The following ODR4 variants were observed in gnomAD, a reference collection of about 807,000 sequenced individuals.
ODR4 encodes odr-4 GPCR localization factor homolog.
Under a neutral mutation model 60.2 loss-of-function variants are expected in ODR4, and 47 were observed. The observed-to-expected ratio is 0.78, with a 90% CI of 0.62 to 1.00. The LOEUF (loss-of-function observed/expected upper bound fraction) is 1.00, where lower values mean the gene tolerates loss of function less well. Ranked by LOEUF, ODR4 falls within the 50% of genes least tolerant of loss-of-function variation. The pLI is 0.00. For synonymous variants in ODR4, 178 were observed against 175.5 expected, an observed-to-expected ratio of 1.01 and a Z score of -0.11; for missense variants, 488 against 530.8, an observed-to-expected ratio of 0.92 and a Z score of 0.79.
the ODR4 span, among the ~76,000 whole-genome samples, chr1:186,429,718 A>G: frequency 4.0e-5 from 6 of 151,236 alleles, no homozygotes; most frequent in East Asian, 3.9e-4. Context: ...AAGCCCTATT[A>G]TAATATAATG....
At chr1:186,400,009 T>TG (rs1660866880) in intron 11 of ODR4, among the ~76,000 whole-genome samples, 2 of 145,974 alleles carry the variant, frequency 1.4e-5, no homozygotes, top group Non-Finnish European at 3.0e-5. Context: ...TTTTTTTTTT[T>TG]GAGACGGAGT....
At chr1:186,396,890 A>T (rs1017580156) in intron 9 of ODR4, among the ~76,000 whole-genome samples, 1 of 152,152 alleles carries the variant, frequency 6.6e-6, no homozygotes, top group East Asian at 1.9e-4. Flanking sequence ...TGTCTACAAT[A>T]AAAAGTTATG....
chr1:186,384,014 G>A (rs971404459), intron 3 of ODR4, among the ~76,000 whole-genome samples: 1 of 152,210 alleles, frequency 6.6e-6, no homozygotes, highest in African/African-American at 2.4e-5. Flanking sequence ...ACTCCAGACT[G>A]GGCGACAAAG....
intron 11 of ODR4, among the ~76,000 whole-genome samples, chr1:186,403,179 G>T (rs1438624753): frequency 2.0e-5 from 3 of 151,862 alleles, no homozygotes; most frequent in Non-Finnish European, 4.4e-5. Context: ...TTGATCTTAG[G>T]TATCAAGATA....
At chr1:186,410,219 T>C (rs1450394897) in intron 12 of ODR4, among the ~76,000 whole-genome samples, 1 of 152,154 alleles carries the variant, frequency 6.6e-6, no homozygotes, top group African/African-American at 2.4e-5. Context: ...ACAGACAAGG[T>C]TTTTAAGATT....
chr1:186,392,248 C>G (rs1417837187), intron 8 of ODR4, among the ~76,000 whole-genome samples: 2 of 152,174 alleles, frequency 1.3e-5, no homozygotes, highest in Non-Finnish European at 2.9e-5. Context: ...GACCTAAAAA[C>G]AGAGATACCA....
chr1:186,394,058 C>G, intron 9 of ODR4, 43 bp downstream of exon 9: 4 of 1,063,808 alleles, frequency 3.8e-6, no homozygotes, highest in Non-Finnish European at 5.5e-6. Flanking sequence ...ATTAGCATAA[C>G]CATAATGAAA....
chr1:186,429,131 G>T, the ODR4 span, among the ~76,000 whole-genome samples: 1 of 152,066 alleles, frequency 6.6e-6, no homozygotes, highest in South Asian at 2.1e-4. Context: ...CATGCCTGTA[G>T]TCCCAGCTAC....
intron 12 of ODR4, among the ~76,000 whole-genome samples, chr1:186,409,192 C>CAAA (rs58735021): frequency 9.0e-6 from 1 of 111,102 alleles, no homozygotes; most frequent in Admixed American, 8.8e-5. Context: ...GACCCTGTCT[C>CAAA]AAAAAAAAAA....
chr1:186,410,624 A>G (rs1661343599), intron 12 of ODR4, among the ~76,000 whole-genome samples: 1 of 152,228 alleles, frequency 6.6e-6, no homozygotes, highest in African/African-American at 2.4e-5. Context: ...TAGGGTCTCC[A>G]GTGATTTGGT....
At chr1:186,411,870 A>G in intron 12 of ODR4, 1 of 974,418 alleles carries the variant, frequency 1.0e-6, no homozygotes, top group Non-Finnish European at 1.2e-6. Flanking sequence ...CAAAGGAAGC[A>G]AAACAGCAAT....
chr1:186,425,753 T>G (rs935993646), downstream of ODR4, among the ~76,000 whole-genome samples: 10 of 152,222 alleles, frequency 6.6e-5, no homozygotes, highest in African/African-American at 2.2e-4. Flanking sequence ...ATATTACAGA[T>G]GCACCGTTGA....
intron 4 of ODR4, among the ~76,000 whole-genome samples, chr1:186,386,475 T>G (rs1178307666): frequency 6.6e-6 from 1 of 152,102 alleles, no homozygotes; most frequent in Non-Finnish European, 1.5e-5. Flanking sequence ...ATGTAAATTA[T>G]GCAAACAAAT....
rs1000613844 is a variant in ODR4, at chr1:186,417,566, T to G, written c.1209T>G (p.Asn403Lys). Residue 403 changes from asparagine to lysine, a missense_variant, in exon 13 of 14, where the codon AAT becomes AAG. Asn to Lys is a moderately conservative substitution (Grantham distance 94, BLOSUM62 0). Coordinates refer to ENST00000287859, the MANE Select transcript of ODR4 (RefSeq NM_017847.6). ...TNTACMSSSMNSQASLDNTDD... is the reference protein window; with the variant it reads ...TNTACMSSSMKSQASLDNTDD... ...CAGCTTGTATGAGTTCTTCTATGAA[T>G]AGTCAAGCTTCATTGGACAACACAG... 1.1e-5 allele frequency: 17 copies of G among 1,591,806 alleles called. No individual in the cohort carries two copies. Among genetic ancestry groups the G allele is most frequent in the Admixed American group, 1.0e-4 (6 of 57,832 alleles).
At chr1:186,398,472 C>T (rs567018394) in intron 10 of ODR4, 31 bp downstream of exon 10, 5 of 1,556,788 alleles carry the variant, frequency 3.2e-6, no homozygotes, top group Non-Finnish European at 3.5e-6. Flanking sequence ...CATATGGAAC[C>T]ATGTTAACTA....
At chr1:186,429,814 G>C in the ODR4 span, among the ~76,000 whole-genome samples, 4 of 152,070 alleles carry the variant, frequency 2.6e-5, no homozygotes, top group Non-Finnish European at 4.4e-5. Context: ...AGTTGTTCTT[G>C]ATTTCTGATT....
At chr1:186,430,858 CTT>C in the ODR4 span, among the ~76,000 whole-genome samples, 7,718 of 144,414 alleles carry the variant, frequency 0.053, 603 homozygotes, top group African/African-American at 0.18. Context: ...CCCTCCCTCC[CTT>C]TTTTTTTTTT....
chr1:186,406,049 A>C, intron 11 of ODR4, 34 bp from the exon 12 acceptor site: 1 of 1,432,108 alleles, frequency 7.0e-7, no homozygotes, highest in Non-Finnish European at 9.4e-7. Flanking sequence ...TGACAAACCT[A>C]TCTAAATATT....
chr1:186,417,614 A>C lies in ODR4; in HGVS notation c.1257A>C (p.Pro419=), dbSNP rs566289258. ...CAGATGATGAACAACCAAAACAACC[A>C]ATTAAAACTACAATGTTATTGAAAA... ...DNTDDEQPKQ[P]IKTTMLLKIQ... The change falls in exon 13 of 14, where the codon CCA becomes CCC. Residue 419 remains proline (P), a synonymous_variant. Transcript: ENST00000287859. 1 of 1,600,962 alleles carries C rather than the reference A, an allele frequency of 6.2e-7. No individual in the cohort carries two copies. The highest frequency in any genetic ancestry group is 1.3e-5 in the African/African-American group (1 of 74,858).
Sources: allele counts gnomAD v4.1 joint callset (sites outside exome capture counted in the v4.1 genomes callset), GRCh38; gene constraint gnomAD v4.1.1; transcripts MANE v1.5; gene names NCBI Gene and HGNC (gene_info 2026-07-23, HGNC 2026-07-21).